ARL3: variants seen among roughly 807,000 people sequenced by gnomAD.
ARL3 encodes the protein ADP-ribosylation factor-like protein 3.
In ARL3, 9 loss-of-function variants were observed where a neutral mutation model predicts 26.0. That is an observed-to-expected ratio of 0.35 (90% CI 0.21 to 0.60). ARL3 has a LOEUF of 0.60. Among genes scored for constraint, ARL3 ranks in the 20% least tolerant of loss-of-function variants. The pLI is 0.78. For missense variants in ARL3, 158 were observed against 215.7 expected (o/e 0.73, Z 1.67); for synonymous variants, 71 against 78.4 (o/e 0.91, Z 0.50).
intron 3 of ARL3, among the ~76,000 whole-genome samples, chr10:102,692,237 C>T (rs2064221893): frequency 6.6e-6 from 1 of 152,194 alleles, no homozygotes; most frequent in South Asian, 2.1e-4. Context: ...CTGAGACCTC[C>T]TTATGGAGAC....
At position 102,688,942 on chromosome 10, in the gene ARL3, A is replaced by T. The variant is rs539865221; in HGVS notation, c.315+951T>A. Among the ~76,000 whole-genome samples the T allele has an allele frequency of 2.6e-5, 4 of 152,334 alleles. No homozygotes were observed. In the South Asian group the frequency reaches 8.3e-4, roughly 32 times the overall value. The stretch of plus-strand genomic sequence containing the variant: ...TCGTTTTCACATGGCCTGGGAAAAA[A>T]CCTGAAGAGCCTTTGGGCATGGTGC... On this transcript the variant is annotated intron_variant, in intron 4 of 5. Coordinates refer to ENST00000260746, the MANE Select transcript of ARL3 (RefSeq NM_004311.4).
intron 5 of ARL3, among the ~76,000 whole-genome samples, chr10:102,682,533 G>C (rs903377556): frequency 6.6e-6 from 1 of 152,122 alleles, no homozygotes; most frequent in African/African-American, 2.4e-5. Context: ...ATCCATCCCA[G>C]GAATCACTAA....
intron 5 of ARL3, among the ~76,000 whole-genome samples, chr10:102,684,591 T>C (rs935205318): frequency 2.6e-5 from 4 of 152,176 alleles, no homozygotes; most frequent in African/African-American, 9.7e-5. Context: ...TGCCATCCTA[T>C]GTGCAATCGG....
intron 3 of ARL3, among the ~76,000 whole-genome samples, chr10:102,697,832 G>C (rs1227065235): frequency 6.6e-6 from 1 of 152,174 alleles, no homozygotes; most frequent in African/African-American, 2.4e-5. Flanking sequence ...GTTTCAAAGA[G>C]AGCATGACCA....
At chr10:102,707,289 C>T (rs185675209) in intron 1 of ARL3, among the ~76,000 whole-genome samples, 129 of 151,224 alleles carry the variant, frequency 8.5e-4, no homozygotes, top group African/African-American at 2.9e-3. Flanking sequence ...CAGAGTGAGA[C>T]TCTGTCTCAA....
chr10:102,693,119 G>A (rs1268012713), intron 3 of ARL3, among the ~76,000 whole-genome samples: 1 of 152,136 alleles, frequency 6.6e-6, no homozygotes, highest in Non-Finnish European at 1.5e-5. Context: ...GATGCTTCCA[G>A]GTTTTGGCAA....
chr10:102,713,900 G>C (rs916845271), intron 1 of ARL3, among the ~76,000 whole-genome samples: 1 of 152,250 alleles, frequency 6.6e-6, no homozygotes, highest in Admixed American at 6.5e-5. Context: ...AAAGCCGCGA[G>C]ACCGATTGCC....
chr10:102,708,878 A>T (rs12412685), intron 1 of ARL3, among the ~76,000 whole-genome samples: 1,773 of 124,218 alleles, frequency 0.014, 24 homozygotes, highest in Non-Finnish European at 0.021. Flanking sequence ...AAAAAATAAA[A>T]CCATATATTA....
intron 4 of ARL3, 42 bp from the exon 5 acceptor site, chr10:102,686,043 T>G (rs762457890): frequency 1.3e-6 from 2 of 1,499,220 alleles, no homozygotes; most frequent in South Asian, 1.2e-5. Flanking sequence ...TTAAAATCTA[T>G]ACATCTATGA....
At chr10:102,680,241 G>A (rs1028916353) in intron 5 of ARL3, among the ~76,000 whole-genome samples, 6 of 152,174 alleles carry the variant, frequency 3.9e-5, no homozygotes, top group Middle Eastern at 3.2e-3. Context: ...ACTGCACCTG[G>A]CCGAATCTTT....
At chr10:102,706,581 A>C (rs2064312298) in intron 1 of ARL3, among the ~76,000 whole-genome samples, 1 of 152,188 alleles carries the variant, frequency 6.6e-6, no homozygotes, top group East Asian at 1.9e-4. Context: ...TAGATGAAAA[A>C]TTTGGTACAA....
intron 5 of ARL3, among the ~76,000 whole-genome samples, chr10:102,678,022 C>T (rs1021052156): frequency 6.6e-6 from 1 of 152,172 alleles, no homozygotes; most frequent in Non-Finnish European, 1.5e-5. Flanking sequence ...ATAAACAATA[C>T]ATCACTGCAA....
intron 1 of ARL3, among the ~76,000 whole-genome samples, chr10:102,712,685 G>C (rs2064349304): frequency 6.6e-6 from 1 of 152,148 alleles, no homozygotes; most frequent in Non-Finnish European, 1.5e-5. Context: ...ACTGGGAAAA[G>C]TTAGCCAACT....
At chr10:102,701,441 T>C (rs1266485116) in intron 2 of ARL3, among the ~76,000 whole-genome samples, 2 of 152,162 alleles carry the variant, frequency 1.3e-5, no homozygotes, top group South Asian at 2.1e-4. Flanking sequence ...ATACACAGTC[T>C]CTGGAGGATA....
chr10:102,677,994 A>G (rs1331432538), intron 5 of ARL3, among the ~76,000 whole-genome samples: 1 of 152,168 alleles, frequency 6.6e-6, no homozygotes, highest in Non-Finnish European at 1.5e-5. Flanking sequence ...ACCCTTGGCC[A>G]TTCGGAACAT....
chr10:102,699,327 C>A (rs751022988), intron 3 of ARL3, 46 bp downstream of exon 3: 2 of 1,179,634 alleles, frequency 1.7e-6, no homozygotes, highest in Non-Finnish European at 2.5e-6. Context: ...GTTTCTAACA[C>A]ATGGCAGAAA....
intron 3 of ARL3, among the ~76,000 whole-genome samples, chr10:102,690,475 G>A (rs1444116438): frequency 6.6e-6 from 1 of 151,682 alleles, no homozygotes; most frequent in Admixed American, 6.6e-5. Flanking sequence ...TAGTAGAGAC[G>A]GCGTTTCACC....
At chr10:102,677,737 C>T (rs1590117785) in intron 5 of ARL3, among the ~76,000 whole-genome samples, 1 of 152,336 alleles carries the variant, frequency 6.6e-6, no homozygotes, top group South Asian at 2.1e-4. Flanking sequence ...CTCTCCCCTT[C>T]CCTAGAGTCT....
chr10:102,692,573 A>C (rs2064224265), intron 3 of ARL3, among the ~76,000 whole-genome samples: 1 of 151,302 alleles, frequency 6.6e-6, no homozygotes, highest in Non-Finnish European at 1.5e-5. Context: ...GTGCCACCAC[A>C]CCTGGCTAAT....
Sources: allele counts gnomAD v4.1 joint callset (sites outside exome capture counted in the v4.1 genomes callset), GRCh38; gene constraint gnomAD v4.1.1; transcripts MANE v1.5; gene names NCBI Gene and HGNC (gene_info 2026-07-23, HGNC 2026-07-21).